The following CACNA1B variants were observed in gnomAD, a reference collection of about 807,000 sequenced individuals.
CACNA1B encodes calcium voltage-gated channel subunit alpha1 B, also known as voltage-dependent N-type calcium channel subunit alpha-1B.
Under a neutral mutation model 247.2 loss-of-function variants are expected in CACNA1B, and 70 were observed. The observed-to-expected ratio is 0.28, with a 90% CI of 0.23 to 0.35. The LOEUF is 0.35. Ranked by LOEUF, CACNA1B falls within the 10% of genes least tolerant of loss-of-function variation. The pLI is 1.00. For missense variants in CACNA1B, 2,367 were observed against 3,197.4 expected (o/e 0.74, Z 6.26); for synonymous variants, 1,231 against 1,294.4 (o/e 0.95, Z 1.05).
intron 24 of CACNA1B, among the ~76,000 whole-genome samples, chr9:138,049,694 C>T (rs577918722): frequency 6.6e-6 from 1 of 152,310 alleles, no homozygotes; most frequent in South Asian, 2.1e-4. Context: ...GCAACTTCAC[C>T]TTGACCTGCT....
intron 3 of CACNA1B, among the ~76,000 whole-genome samples, chr9:137,907,242 A>T (rs1490413513): frequency 1.3e-5 from 2 of 152,302 alleles, no homozygotes; most frequent in East Asian, 3.9e-4. Flanking sequence ...TTACATGCTC[A>T]TTCATTTTTA....
chr9:138,065,939 C>T (rs547696778), intron 31 of CACNA1B, among the ~76,000 whole-genome samples: 1 of 152,300 alleles, frequency 6.6e-6, no homozygotes, highest in East Asian at 1.9e-4. Flanking sequence ...TTACCACCCA[C>T]CAACAGAGGA....
At chr9:137,897,953 A>G (rs181807543) in intron 3 of CACNA1B, among the ~76,000 whole-genome samples, 3 of 152,166 alleles carry the variant, frequency 2.0e-5, no homozygotes, top group Non-Finnish European at 4.4e-5. Context: ...TAAAATAAAA[A>G]TAATATTCTT....
chr9:137,890,252 GCCTCTCT>G (rs1957078983), intron 3 of CACNA1B: 1 of 149,742 alleles, frequency 6.7e-6, no homozygotes, highest in African/African-American at 2.4e-5. Flanking sequence ...GGGAGGGTTG[GCCTCTCT>G]GCGGATCTTT....
In CACNA1B at chr9:138,051,733, T is replaced by C. The variant is rs1436245186; in HGVS notation, c.3711-359T>C. ...CCAGAAGATTCTCGCCCTAGAAACGTGCTTGTGGGCTCCCACTTCTGGGTC... is the reference window on the plus strand; with the variant it reads ...CCAGAAGATTCTCGCCCTAGAAACGCGCTTGTGGGCTCCCACTTCTGGGTC... On this transcript the variant is annotated intron_variant, in intron 24 of 46. Coordinates refer to ENST00000371372, the MANE Select transcript of CACNA1B (RefSeq NM_000718.4). The surrounding 1 kb of genome is among the most constrained non-coding windows in gnomAD (Gnocchi z 4.3). Among the ~76,000 whole-genome samples the C allele has an allele frequency of 5.3e-5, 8 of 151,994 alleles. No individual in the cohort carries two copies. The highest frequency in any genetic ancestry group is 5.2e-4 in the Admixed American group (8 of 15,268).
At chr9:137,961,943 C>G (rs117198939) in intron 10 of CACNA1B, among the ~76,000 whole-genome samples, 417 of 152,152 alleles carry the variant, frequency 2.7e-3, no homozygotes, top group Non-Finnish European at 4.7e-3. Flanking sequence ...AGAATAGTTT[C>G]AGTAGAATTG....
intron 42 of CACNA1B, among the ~76,000 whole-genome samples, chr9:138,117,431 T>A (rs919085737): frequency 6.6e-6 from 1 of 150,618 alleles, no homozygotes; most frequent in East Asian, 2.0e-4. Context: ...TTTGCCCTCA[T>A]CTGTCCCAGC....
At chr9:138,003,268 G>T (rs1479344063) in intron 15 of CACNA1B, among the ~76,000 whole-genome samples, 1 of 151,122 alleles carries the variant, frequency 6.6e-6, no homozygotes, top group African/African-American at 2.4e-5. Flanking sequence ...CACACAACTG[G>T]CTCAAGTGAT....
At chr9:138,028,023 C>CTTTTT (rs541594878) in intron 20 of CACNA1B, among the ~76,000 whole-genome samples, 7 of 98,748 alleles carry the variant, frequency 7.1e-5, no homozygotes, top group Admixed American at 1.1e-4. Context: ...CCCCCCCAAC[C>CTTTTT]TTTTTTTTTT....
At chr9:138,065,307 C>A (rs934943651) in intron 31 of CACNA1B, among the ~76,000 whole-genome samples, 1 of 152,184 alleles carries the variant, frequency 6.6e-6, no homozygotes, top group Non-Finnish European at 1.5e-5. Context: ...CCACCGCTTC[C>A]CAAGTCAGGC....
chr9:138,013,176 A>T lies in CACNA1B; in HGVS notation c.2208A>T (p.Gln736His). Reference protein sequence around the residue: ...EEAANQKLALQKAKEVAEVSP... With the variant: ...EEAANQKLALHKAKEVAEVSP... ...CAGCCAATCAGAAGCTTGCTCTGCA[A>T]AAGGCCAAAGAAGTGGCTGAAGTCA... Residue 736 changes from glutamine to histidine, a missense_variant, in exon 18 of 47, where the codon CAA (glutamine) becomes CAT (histidine). Physicochemically the swap from Gln to His is conservative, Grantham distance 24 (BLOSUM62 0). Around this residue, in one of 12 missense-constraint regions of CACNA1B, gnomAD observed 631 missense variants for 631.1 expected, o/e 1.00. Transcript: ENST00000371372. 1 of 1,612,614 alleles carries T rather than the reference A, an allele frequency of 6.2e-7. No homozygotes were observed. The highest frequency in any genetic ancestry group is 8.5e-7 in the Non-Finnish European group (1 of 1,179,282).
intron 3 of CACNA1B, among the ~76,000 whole-genome samples, chr9:137,906,498 G>A (rs11137299): frequency 0.15 from 22,426 of 152,120 alleles, 1,908 homozygotes; most frequent in East Asian, 0.44. Context: ...TTGAACATAC[G>A]TGTTCCCCTG....
chr9:137,970,134 C>T (rs1564213596), intron 10 of CACNA1B, among the ~76,000 whole-genome samples: 1 of 152,184 alleles, frequency 6.6e-6, no homozygotes, highest in Non-Finnish European at 1.5e-5. Context: ...TGGGTGTGCA[C>T]ACATATGCAT....
At position 137,984,106 on chromosome 9, in the gene CACNA1B, G is replaced by T. The variant is rs200729763; in HGVS notation, c.1657-32G>T. 52 of 1,489,590 alleles carry T rather than the reference G, an allele frequency of 3.5e-5. No homozygotes were observed. In the African/African-American group the frequency reaches 6.6e-4, roughly 19 times the overall value. 92.3% of individuals were successfully genotyped at this position (1,489,590 alleles called of 1,614,324 possible). A position where few individuals can be genotyped will look rare whatever the true frequency, so the allele number is the denominator to read the frequency against. ...ATCTGCATGCACAGGTGCAGATACGGTGCACCCAAGGCTAATGCCATCCCG... is the reference window on the plus strand; with the variant it reads ...ATCTGCATGCACAGGTGCAGATACGTTGCACCCAAGGCTAATGCCATCCCG... On this transcript the variant is annotated intron_variant, in intron 12 of 46. Coordinates refer to ENST00000371372, the MANE Select transcript of CACNA1B (RefSeq NM_000718.4).
At position 137,973,306 on chromosome 9, in the gene CACNA1B, G is replaced by A. The variant is rs536218383; in HGVS notation, c.1543+1714G>A. Reference sequence around the variant, plus strand: ...AATGTGGGCAGTGTCCCTGACAGCCGGGCTGGGCCTGAGGGAGGCTTGCTC... The same window carrying A: ...AATGTGGGCAGTGTCCCTGACAGCCAGGCTGGGCCTGAGGGAGGCTTGCTC... On this transcript the variant is annotated intron_variant, in intron 11 of 46. Transcript: ENST00000371372. This position sits in a 1 kb window ranked among gnomAD's most constrained non-coding sequence, Gnocchi z 4.1. 2.0e-5 allele frequency among the ~76,000 whole-genome samples: 3 copies of A among 152,290 alleles called. No homozygotes were observed. Among genetic ancestry groups the A allele is most frequent in the South Asian group, 2.1e-4 (1 of 4,814 alleles).
At chr9:137,978,636 G>A (rs557659146) in intron 12 of CACNA1B, among the ~76,000 whole-genome samples, 1 of 152,344 alleles carries the variant, frequency 6.6e-6, no homozygotes, top group Admixed American at 6.5e-5. Flanking sequence ...TAAAGCTTCA[G>A]TTAGAAAATT....
At chr9:138,075,741 G>A (rs1030178221) in intron 34 of CACNA1B, 78 bp from the exon 35 acceptor site, 6 of 897,130 alleles carry the variant, frequency 6.7e-6, no homozygotes, top group East Asian at 2.6e-5. Flanking sequence ...CGGCTCGCAC[G>A]CCCTCTCTGG....
At chr9:138,089,090 A>G (rs1049819917) in intron 36 of CACNA1B, among the ~76,000 whole-genome samples, 1 of 151,984 alleles carries the variant, frequency 6.6e-6, no homozygotes, top group Non-Finnish European at 1.5e-5. Flanking sequence ...CTTCTAGAAA[A>G]TTGAAGAGGA....
At chr9:138,038,389 C>T (rs768418317) in intron 20 of CACNA1B, among the ~76,000 whole-genome samples, 9 of 152,258 alleles carry the variant, frequency 5.9e-5, no homozygotes, top group Non-Finnish European at 1.3e-4. Context: ...AGAAGCAGCA[C>T]ACGCTGGACA....
Sources: allele counts gnomAD v4.1 joint callset (sites outside exome capture counted in the v4.1 genomes callset), GRCh38; gene constraint gnomAD v4.1.1; regional missense constraint gnomAD v4.1.1; non-coding constraint Gnocchi (gnomAD v3.1); transcripts MANE v1.5; gene names NCBI Gene and HGNC (gene_info 2026-07-23, HGNC 2026-07-21).